NAF1: variants seen among roughly 807,000 people sequenced by gnomAD.
NAF1 encodes H/ACA ribonucleoprotein complex non-core subunit NAF1.
Under a neutral mutation model 40.6 loss-of-function variants are expected in NAF1, and 11 were observed. That is an observed-to-expected ratio of 0.27 (90% CI 0.17 to 0.45). The LOEUF is 0.45. Ranked by LOEUF, NAF1 falls within the 20% of genes least tolerant of loss-of-function variation. The probability of loss-of-function intolerance (pLI) is 1.00; values close to 1 mark genes in which losing one functional copy is unlikely to be tolerated. For synonymous variants in NAF1, 260 were observed against 228.5 expected, an observed-to-expected ratio of 1.14 and a Z score of -1.24; for missense variants, 607 against 611.1, an observed-to-expected ratio of 0.99 and a Z score of 0.07.
At chr4:163,140,200 C>T in intron 5 of NAF1, 23 bp downstream of exon 5, 1 of 1,551,972 alleles carries the variant, frequency 6.4e-7, no homozygotes, top group Admixed American at 2.1e-5. Context: ...AAGTGAAGAA[C>T]AACATGCCGG....
intron 2 of NAF1, among the ~76,000 whole-genome samples, chr4:163,120,652 T>C (rs1046023083): frequency 1.3e-5 from 2 of 152,224 alleles, no homozygotes; most frequent in Non-Finnish European, 2.9e-5. Flanking sequence ...TGTGTACTTA[T>C]ACAGATAATA....
chr4:163,125,434 G>C (rs1288293310), downstream of NAF1, among the ~76,000 whole-genome samples: 1 of 152,226 alleles, frequency 6.6e-6, no homozygotes, highest in African/African-American at 2.4e-5. Flanking sequence ...CTTTACAGCA[G>C]ATATGGAGTA....
Position 163,148,344 on chromosome 4 carries a change from G to C in NAF1, c.631C>G (p.Leu211Val). ...ATTAATAGAATTCTTAACATACCTA[G>C]TTGTTCAATAATACTTGAAACCATC... ...LGMVSSIIEQLVIIESMTNLP... is the reference protein window; with the variant it reads ...LGMVSSIIEQVVIIESMTNLP... The change falls in exon 3 of 8, where the codon CTA (leucine) becomes GTA (valine). Residue 211 changes from leucine (L) to valine (V), a missense_variant. Physicochemically the swap from Leu to Val is conservative, Grantham distance 32. Around this residue, in one of 3 missense-constraint regions of NAF1, gnomAD observed 407 missense variants for 365.5 expected, o/e 1.11. Transcript: ENST00000274054. 6.5e-7 allele frequency: 1 copy of C among 1,533,752 alleles called. No individual in the cohort carries two copies. The highest frequency in any genetic ancestry group is 8.8e-7 in the Non-Finnish European group (1 of 1,141,962).
chr4:163,150,830 A>G (rs1347697197), intron 2 of NAF1, among the ~76,000 whole-genome samples: 1 of 152,114 alleles, frequency 6.6e-6, no homozygotes, highest in Non-Finnish European at 1.5e-5. Flanking sequence ...TAAAATTTTG[A>G]CAGTTACTGC....
rs1367671291 is a variant in NAF1 at position 163,152,916 on chromosome 4, G to A, written c.541-4482C>T. ...CCAGCTGGAGTTCCGGGTGGGCATG[G>A]GCTTGGAGGGCCCCGCACTCAGAGC... On this transcript the variant is annotated intron_variant, in intron 2 of 7. Transcript: ENST00000274054. 3.9e-5 allele frequency among the ~76,000 whole-genome samples: 6 copies of A among 152,208 alleles called. No individual in the cohort carries two copies. The East Asian group carries it at 1.2e-3, about 29-fold the overall frequency.
intron 2 of NAF1, among the ~76,000 whole-genome samples, chr4:163,155,540 C>A (rs2111023051): frequency 6.6e-6 from 1 of 152,214 alleles, no homozygotes; most frequent in African/African-American, 2.4e-5. Context: ...TGAACCTAAT[C>A]TTCTCAAAAA....
In NAF1 at chr4:163,164,246, G is replaced by A. The variant is rs1280491697; in HGVS notation, c.511C>T (p.Leu171Phe). The A allele has an allele frequency of 1.9e-6, 3 of 1,564,326 alleles. No individual in the cohort carries two copies. Among genetic ancestry groups the A allele is most frequent in the African/African-American group, 2.8e-5 (2 of 72,284 alleles). The change falls in exon 2 of 8, where the codon CTT (leucine) becomes TTT (phenylalanine). Residue 171 changes from leucine to phenylalanine, a missense_variant. Transcript: ENST00000274054. ...AGAAGTAATTCATCTTTTGTTTTAA[G>A]AGGAAAATTCTTATTTTCCTTCTCA... is the stretch of plus-strand genomic sequence containing the variant. ...QIEKENKNFP[L>F]KTKDELLLNE...
chr4:163,164,727 A>T (rs1732381147), intron 1 of NAF1, among the ~76,000 whole-genome samples: 1 of 152,182 alleles, frequency 6.6e-6, no homozygotes, highest in Non-Finnish European at 1.5e-5. Flanking sequence ...CATGTGACAA[A>T]CCACTAAAAA....
chr4:163,142,845 C>G (rs929701430), intron 4 of NAF1, among the ~76,000 whole-genome samples: 1 of 152,166 alleles, frequency 6.6e-6, no homozygotes, highest in Non-Finnish European at 1.5e-5. Context: ...TAAAGAGCAA[C>G]TTAAGACACA....
intron 6 of NAF1, 81 bp from the exon 7 acceptor site, chr4:163,133,337 A>G: frequency 9.3e-7 from 1 of 1,077,064 alleles, no homozygotes; most frequent in South Asian, 1.5e-5. Flanking sequence ...TGAAGAAAAT[A>G]AGCCTATTAT....
intron 7 of NAF1, among the ~76,000 whole-genome samples, chr4:163,130,960 C>T (rs778123033): frequency 6.6e-6 from 1 of 152,198 alleles, no homozygotes; most frequent in African/African-American, 2.4e-5. Context: ...CTCACTGCAA[C>T]CTCCGCTGCC....
chr4:163,111,903 A>C (rs1176383417), intron 2 of NAF1, among the ~76,000 whole-genome samples: 7 of 152,174 alleles, frequency 4.6e-5, no homozygotes, highest in African/African-American at 1.7e-4. Context: ...TCAATCACGC[A>C]AAAAACGTTA....
chr4:163,146,890 T>C (rs1404907386), intron 3 of NAF1, among the ~76,000 whole-genome samples: 1 of 152,200 alleles, frequency 6.6e-6, no homozygotes, highest in Non-Finnish European at 1.5e-5. Flanking sequence ...TTAGTCAAAA[T>C]AGTATTGTTA....
intron 2 of NAF1, among the ~76,000 whole-genome samples, chr4:163,115,199 A>ATTT (rs201172406): frequency 0.042 from 4,334 of 103,228 alleles, 526 homozygotes; most frequent in East Asian, 0.053. Context: ...TAGGACAATA[A>ATTT]TTTTTTTATT....
In NAF1 at chr4:163,164,280, A is replaced by G. The variant is rs1265950001; in HGVS notation, c.477T>C (p.Asp159=). 4 of 1,589,416 alleles carry G rather than the reference A, an allele frequency of 2.5e-6. No individual in the cohort carries two copies. The highest frequency in any genetic ancestry group is 3.4e-6 in the Non-Finnish European group (4 of 1,171,618). ...LPPVLSDGDD[D]LQIEKENKNF... ...TCTTATTTTCCTTCTCAATTTGTAA[A>G]TCATCATCTCCATCTGACAGCACTG... Residue 159 remains aspartate, a synonymous_variant, in exon 2 of 8, where the codon GAT becomes GAC. Transcript: ENST00000274054.
At chr4:163,133,941 C>T (rs1040575785) in intron 6 of NAF1, among the ~76,000 whole-genome samples, 3 of 152,114 alleles carry the variant, frequency 2.0e-5, no homozygotes, top group Non-Finnish European at 2.9e-5. Flanking sequence ...CCATGCCCAA[C>T]TAATTTTTGT....
In NAF1 at chr4:163,152,731, C is replaced by T. The variant is rs182542716; in HGVS notation, c.541-4297G>A. On this transcript the variant is annotated intron_variant, in intron 2 of 7. Coordinates refer to ENST00000274054, the MANE Select transcript of NAF1 (RefSeq NM_138386.3). ...ACTCTCCGCGCCTCCTCTGCCTATG[C>T]TCCCACTTTGGCGGCACTTGAGGAG... 3.6e-4 allele frequency among the ~76,000 whole-genome samples: 55 copies of T among 152,368 alleles called. No homozygotes were observed. The East Asian group carries it at 9.1e-3, about 25-fold the overall frequency.
intron 5 of NAF1, among the ~76,000 whole-genome samples, chr4:163,138,556 T>C (rs1479058739): frequency 2.0e-5 from 3 of 152,118 alleles, no homozygotes; most frequent in African/African-American, 4.8e-5. Flanking sequence ...AACAGTAAGC[T>C]GGAAAGGAGC....
downstream of NAF1, among the ~76,000 whole-genome samples, chr4:163,122,298 T>C (rs1490365002): frequency 5.9e-5 from 9 of 152,160 alleles, no homozygotes; most frequent in Non-Finnish European, 2.9e-5. Flanking sequence ...TTTTTTTAAA[T>C]ATAGTTGCTG....
Sources: gnomAD v4.1 joint callset for allele counts (sites outside exome capture counted in the v4.1 genomes callset) on GRCh38, gnomAD v4.1.1 for gene constraint, gnomAD v4.1.1 regional missense constraint, MANE v1.5 for transcripts, NCBI Gene and HGNC (gene_info 2026-07-23, HGNC 2026-07-21) for gene names.